PELI2: variants seen among roughly 807,000 people sequenced by gnomAD.
The protein encoded by PELI2 is E3 ubiquitin-protein ligase pellino homolog 2.
PELI2 carries 23 observed loss-of-function variants against 42.3 expected under a neutral mutation model. That is an observed-to-expected ratio of 0.54 (90% CI 0.39 to 0.77). The LOEUF is 0.77. PELI2 is among the 30% of genes least tolerant of loss of function. The probability of loss-of-function intolerance (pLI) is 0.00; values close to 1 mark genes in which losing one functional copy is unlikely to be tolerated. For missense variants in PELI2, 463 were observed against 553.2 expected, an observed-to-expected ratio of 0.84 and a Z score of 1.64; for synonymous variants, 245 against 212.2, an observed-to-expected ratio of 1.15 and a Z score of -1.34.
At chr14:56,194,270 G>A (rs1272738080) in intron 2 of PELI2, among the ~76,000 whole-genome samples, 5 of 152,090 alleles carry the variant, frequency 3.3e-5, no homozygotes, top group Non-Finnish European at 7.4e-5. Context: ...TGTTCCTGTC[G>A]TCAGCATCCG....
At chr14:56,211,267 C>CTGGT (rs1352632589) in intron 2 of PELI2, among the ~76,000 whole-genome samples, 1 of 152,144 alleles carries the variant, frequency 6.6e-6, no homozygotes, top group Non-Finnish European at 1.5e-5. Flanking sequence ...TGCTGGCTGG[C>CTGGT]TCAGGCCACC....
intron 2 of PELI2, among the ~76,000 whole-genome samples, chr14:56,199,858 A>G (rs532185791): frequency 5.9e-5 from 9 of 152,380 alleles, no homozygotes; most frequent in African/African-American, 1.7e-4. Flanking sequence ...TGGTTGTGCC[A>G]TATACACAGG....
intron 2 of PELI2, among the ~76,000 whole-genome samples, chr14:56,235,130 A>G (rs1475884060): frequency 6.6e-6 from 1 of 152,144 alleles, no homozygotes; most frequent in African/African-American, 2.4e-5. Context: ...TGCAAAGGTA[A>G]TTGTGTTTTT....
At chr14:56,235,646 A>G (rs1887766996) in intron 2 of PELI2, among the ~76,000 whole-genome samples, 1 of 152,258 alleles carries the variant, frequency 6.6e-6, no homozygotes, top group African/African-American at 2.4e-5. Flanking sequence ...ATATAGTGGT[A>G]CAAGCAATAC....
At chr14:56,204,095 C>T (rs960524547) in intron 2 of PELI2, among the ~76,000 whole-genome samples, 23 of 152,086 alleles carry the variant, frequency 1.5e-4, no homozygotes, top group Non-Finnish European at 2.1e-4. Flanking sequence ...ATCAGGCAGG[C>T]GTTAGAGGGC....
chr14:56,174,749 T>C (rs895799783), intron 1 of PELI2, among the ~76,000 whole-genome samples: 4 of 152,220 alleles, frequency 2.6e-5, no homozygotes, highest in Non-Finnish European at 4.4e-5. Flanking sequence ...GAGCTTCTTG[T>C]TAAGCCTGTG....
At chr14:56,266,896 G>A (rs1022307223) in intron 2 of PELI2, among the ~76,000 whole-genome samples, 6 of 152,046 alleles carry the variant, frequency 3.9e-5, no homozygotes, top group African/African-American at 1.4e-4. Context: ...AAAAGAATGA[G>A]ACAACACTGT....
chr14:56,296,598 A>T lies in PELI2; in HGVS notation c.697-2A>T. 1 of 1,582,052 alleles carries T rather than the reference A, an allele frequency of 6.3e-7. No individual in the cohort carries two copies. Among genetic ancestry groups the T allele is most frequent in the Non-Finnish European group, 8.6e-7 (1 of 1,159,910 alleles). On this transcript the variant is annotated splice_acceptor_variant, in intron 5 of 5. Coordinates refer to ENST00000267460, the MANE Select transcript of PELI2 (RefSeq NM_021255.3). LOFTEE classifies it high-confidence loss of function. ...AAGGCATGTGTCTCAAACTTGTTGT[A>T]GGTGGAAAGTGAGACCAACGTCCTG...
intron 1 of PELI2, among the ~76,000 whole-genome samples, chr14:56,142,816 A>G (rs1257080007): frequency 2.6e-5 from 4 of 152,148 alleles, no homozygotes; most frequent in Non-Finnish European, 5.9e-5. Context: ...TTAAAAAATT[A>G]TAGGACCAGA....
intron 2 of PELI2, among the ~76,000 whole-genome samples, chr14:56,203,685 G>A (rs932065421): frequency 6.6e-6 from 1 of 152,166 alleles, no homozygotes; most frequent in Admixed American, 6.5e-5. Flanking sequence ...TGCTAAGTCT[G>A]CCCTTACTGT....
intron 1 of PELI2, among the ~76,000 whole-genome samples, chr14:56,174,337 A>T (rs185357223): frequency 6.6e-6 from 1 of 152,322 alleles, no homozygotes; most frequent in South Asian, 2.1e-4. Flanking sequence ...TTCCTCCTGC[A>T]CTGTGCCACC....
At chr14:56,118,859 G>A (rs1384468199) in intron 1 of PELI2, 122 bp downstream of exon 1, 27 of 565,738 alleles carry the variant, frequency 4.8e-5, no homozygotes, top group Non-Finnish European at 6.5e-5. Context: ...GGGGCGGCAG[G>A]AGAGGCTCTC....
chr14:56,168,051 A>C (rs2139650683), intron 1 of PELI2, among the ~76,000 whole-genome samples: 1 of 152,308 alleles, frequency 6.6e-6, no homozygotes, highest in East Asian at 1.9e-4. Flanking sequence ...TGAGCCACCT[A>C]ACGCTGGGGG....
intron 2 of PELI2, among the ~76,000 whole-genome samples, chr14:56,248,794 C>G (rs1453039931): frequency 1.3e-5 from 2 of 151,880 alleles, no homozygotes; most frequent in African/African-American, 4.8e-5. Context: ...CCTTAGTATT[C>G]TGGGGCTTGG....
At chr14:56,130,165 G>C (rs1315150646) in intron 1 of PELI2, among the ~76,000 whole-genome samples, 1 of 152,172 alleles carries the variant, frequency 6.6e-6, no homozygotes, top group East Asian at 1.9e-4. Context: ...CAGAGGGCTG[G>C]CTCCTGAGCC....
At chr14:56,289,039 T>G (rs963168861) in intron 4 of PELI2, among the ~76,000 whole-genome samples, 6 of 152,158 alleles carry the variant, frequency 3.9e-5, no homozygotes, top group Non-Finnish European at 8.8e-5. Context: ...CCATACTGGG[T>G]GTTTTAGTTA....
At chr14:56,257,138 A>G (rs936953399) in intron 2 of PELI2, among the ~76,000 whole-genome samples, 1 of 152,226 alleles carries the variant, frequency 6.6e-6, no homozygotes, top group African/African-American at 2.4e-5. Flanking sequence ...GATAACAAAT[A>G]AGTATATTTT....
At chr14:56,161,734 A>AT (rs556243697) in intron 1 of PELI2, among the ~76,000 whole-genome samples, 17 of 151,976 alleles carry the variant, frequency 1.1e-4, no homozygotes, top group South Asian at 6.2e-4. Flanking sequence ...ATATATATAT[A>AT]TTTTTTTTCA....
At chr14:56,260,837 A>G (rs1420356786) in intron 2 of PELI2, among the ~76,000 whole-genome samples, 1 of 152,206 alleles carries the variant, frequency 6.6e-6, no homozygotes, top group African/African-American at 2.4e-5. Context: ...GTGACTTCCT[A>G]ATGAATGGAT....
Sources: allele counts gnomAD v4.1 joint callset (sites outside exome capture counted in the v4.1 genomes callset), GRCh38; gene constraint gnomAD v4.1.1; transcripts MANE v1.5; gene names NCBI Gene and HGNC (gene_info 2026-07-23, HGNC 2026-07-21).